BFSP2: variants seen among roughly 807,000 people sequenced by gnomAD.
BFSP2 encodes beaded filament structural protein 2, also known as phakinin.
In BFSP2, 38 loss-of-function variants were observed where a neutral mutation model predicts 44.9. The ratio of observed to expected loss-of-function variants is 0.85; its 90% CI spans 0.65 to 1.11. BFSP2 has a LOEUF of 1.11. Ranked by LOEUF, BFSP2 falls within the 50% of genes least tolerant of loss-of-function variation. The pLI, the probability that BFSP2 is intolerant of heterozygous loss-of-function variation, is 0.00. For synonymous variants in BFSP2, 197 were observed against 209.9 expected, an observed-to-expected ratio of 0.94 and a Z score of 0.53; for missense variants, 525 against 533.0, an observed-to-expected ratio of 0.99 and a Z score of 0.15.
chr3:133,422,442 C>T (rs929836284), intron 1 of BFSP2, among the ~76,000 whole-genome samples: 4 of 152,210 alleles, frequency 2.6e-5, no homozygotes, highest in African/African-American at 9.6e-5. Context: ...TCCTACCTCT[C>T]TCTTCACTTC....
intron 1 of BFSP2, among the ~76,000 whole-genome samples, chr3:133,443,899 G>A (rs567095551): frequency 1.3e-5 from 2 of 151,960 alleles, no homozygotes; most frequent in South Asian, 2.1e-4. Flanking sequence ...TTTTTAAAAC[G>A]CTGCTTGTAT....
At chr3:133,438,490 A>C (rs1266261120) in intron 1 of BFSP2, among the ~76,000 whole-genome samples, 1 of 152,164 alleles carries the variant, frequency 6.6e-6, no homozygotes. Context: ...AGCTGAGATC[A>C]CACCACTGCA....
intron 1 of BFSP2, among the ~76,000 whole-genome samples, chr3:133,416,573 A>C (rs1488455041): frequency 3.4e-3 from 130 of 37,894 alleles, no homozygotes; most frequent in Admixed American, 5.1e-3. Flanking sequence ...CCCCTCTACT[A>C]ACCCCTTCCA....
intron 4 of BFSP2, among the ~76,000 whole-genome samples, chr3:133,453,252 C>G (rs1559978007): frequency 6.6e-6 from 1 of 152,202 alleles, no homozygotes; most frequent in African/African-American, 2.4e-5. Flanking sequence ...CATCTCTTGT[C>G]GGTTTCTTGG....
chr3:133,445,900 C>A (rs542125159), intron 1 of BFSP2, among the ~76,000 whole-genome samples: 2 of 152,196 alleles, frequency 1.3e-5, no homozygotes, highest in East Asian at 3.9e-4. Flanking sequence ...GGAATTGTTA[C>A]CTTAAAAGAA....
At chr3:133,423,539 G>T (rs1291856265) in intron 1 of BFSP2, among the ~76,000 whole-genome samples, 3 of 151,496 alleles carry the variant, frequency 2.0e-5, no homozygotes, top group Non-Finnish European at 4.4e-5. Flanking sequence ...CTTTGGGGGC[G>T]GGCGGTGGGG....
chr3:133,448,955 A>T, intron 3 of BFSP2: 2 of 354,722 alleles, frequency 5.6e-6, no homozygotes, highest in Non-Finnish European at 1.1e-5. Context: ...AATGCATTCT[A>T]TGTCAGGTTT....
chr3:133,450,850 G>A (rs541655353), intron 4 of BFSP2, among the ~76,000 whole-genome samples: 1 of 152,148 alleles, frequency 6.6e-6, no homozygotes. Context: ...GGTAGCTCAC[G>A]CCTGTAATCC....
intron 1 of BFSP2, among the ~76,000 whole-genome samples, chr3:133,405,188 T>A: frequency 6.6e-6 from 1 of 152,254 alleles, no homozygotes; most frequent in East Asian, 1.9e-4. Context: ...TGAAGCTGCC[T>A]GAGGAAGAAA....
intron 1 of BFSP2, chr3:133,410,299 C>A: frequency 2.6e-6 from 1 of 385,848 alleles, no homozygotes. Context: ...ACATAGTAGC[C>A]AGTAGACCGG....
chr3:133,450,113 C>A (rs1228462780), intron 3 of BFSP2, among the ~76,000 whole-genome samples, 190 bp from the exon 4 acceptor site: 2 of 151,648 alleles, frequency 1.3e-5, no homozygotes, highest in Non-Finnish European at 2.9e-5. Context: ...AGAAATGCAT[C>A]CTTGGGAAAA....
chr3:133,436,978 G>A (rs1030527198), intron 1 of BFSP2, among the ~76,000 whole-genome samples: 4 of 152,158 alleles, frequency 2.6e-5, no homozygotes, highest in Non-Finnish European at 4.4e-5. Context: ...GTGTATATGT[G>A]CCACATTTTC....
intron 1 of BFSP2, among the ~76,000 whole-genome samples, chr3:133,433,585 A>T (rs1348974051): frequency 6.6e-6 from 1 of 152,208 alleles, no homozygotes; most frequent in Non-Finnish European, 1.5e-5. Context: ...GGATAGGTAG[A>T]GTCCTTTCCT....
intron 1 of BFSP2, among the ~76,000 whole-genome samples, chr3:133,439,315 A>G (rs1438931077): frequency 6.6e-6 from 1 of 152,186 alleles, no homozygotes; most frequent in Non-Finnish European, 1.5e-5. Context: ...GCTGTTGTTT[A>G]GTGTTATATT....
chr3:133,400,371 GCCGGCT>G lies in BFSP2; in HGVS notation c.291_296del (p.Ala98_Pro99del). 1 of 1,614,098 alleles carries G rather than the reference GCCGGCT, an allele frequency of 6.2e-7. No homozygotes were observed. Among genetic ancestry groups the G allele is most frequent in the Non-Finnish European group, 8.5e-7 (1 of 1,180,052 alleles). On this transcript the variant is annotated inframe_deletion, in exon 1 of 7. Coordinates refer to ENST00000302334, the MANE Select transcript of BFSP2 (RefSeq NM_003571.4). The surrounding 1 kb of genome is among the most constrained non-coding windows in gnomAD (Gnocchi z 4.0). ...TGCGGAGCTCAGGCCTGGCCACCGT[GCCGGCT>G]CCAGGTTTGGAGAGGGACCATGGTG...
At chr3:133,423,691 C>A (rs1247313734) in intron 1 of BFSP2, among the ~76,000 whole-genome samples, 1 of 152,132 alleles carries the variant, frequency 6.6e-6, no homozygotes, top group Admixed American at 6.5e-5. Context: ...TTTGCCAGAG[C>A]CCCTTTGAGA....
intron 5 of BFSP2, among the ~76,000 whole-genome samples, chr3:133,469,991 C>G (rs2074147192): frequency 6.6e-6 from 1 of 151,028 alleles, no homozygotes; most frequent in Non-Finnish European, 1.5e-5. Context: ...AATCCAATGT[C>G]AACAACAACT....
chr3:133,462,379 A>C (rs182275760), intron 4 of BFSP2, among the ~76,000 whole-genome samples: 19 of 152,350 alleles, frequency 1.2e-4, no homozygotes, highest in African/African-American at 4.6e-4. Flanking sequence ...AAACTAAGAC[A>C]TGGTGTTTCA....
At chr3:133,464,618 G>A (rs1461429743) in intron 4 of BFSP2, among the ~76,000 whole-genome samples, 1 of 150,506 alleles carries the variant, frequency 6.6e-6, no homozygotes, top group Non-Finnish European at 1.5e-5. Flanking sequence ...AATAACAAAA[G>A]TTATTTGTTG....
Sources: gnomAD v4.1 joint callset for allele counts (sites outside exome capture counted in the v4.1 genomes callset) on GRCh38, gnomAD v4.1.1 for gene constraint, Gnocchi (gnomAD v3.1) non-coding constraint, MANE v1.5 for transcripts, NCBI Gene and HGNC (gene_info 2026-07-23, HGNC 2026-07-21) for gene names.